Variants in PIBF1 observed in about 807,000 individuals in gnomAD.
PIBF1 encodes progesterone-induced-blocking factor 1.
Under a neutral mutation model 112.5 loss-of-function variants are expected in PIBF1, and 90 were observed. The observed-to-expected ratio is 0.80, with a 90% CI of 0.67 to 0.95. PIBF1 has a LOEUF of 0.95. Among genes scored for constraint, PIBF1 ranks in the 40% least tolerant of loss-of-function variants. The pLI, the probability that PIBF1 is intolerant of heterozygous loss-of-function variation, is 0.00. For synonymous variants in PIBF1, 301 were observed against 288.6 expected (o/e 1.04, Z -0.44); for missense variants, 915 against 852.3 (o/e 1.07, Z -0.92).
At chr13:72,990,834 C>T (rs545037457) in intron 16 of PIBF1, among the ~76,000 whole-genome samples, 1 of 152,120 alleles carries the variant, frequency 6.6e-6, no homozygotes, top group Non-Finnish European at 1.5e-5. Flanking sequence ...AGTGACAGAG[C>T]GAGACTCCAT....
intron 10 of PIBF1, among the ~76,000 whole-genome samples, chr13:72,884,046 G>A (rs897835682): frequency 2.2e-4 from 34 of 152,064 alleles, no homozygotes; most frequent in African/African-American, 7.7e-4. Flanking sequence ...TACCCTGATG[G>A]AATTATTACA....
chr13:72,845,921 T>A (rs9530102), intron 9 of PIBF1, among the ~76,000 whole-genome samples: 21,439 of 152,130 alleles, frequency 0.14, 1,677 homozygotes, highest in Non-Finnish European at 0.17. Flanking sequence ...CAGTAGTCAT[T>A]TTCTCAGTTC....
rs960313262 is a variant in PIBF1 at position 72,998,694 on chromosome 13, T to G, written c.2050-128T>G. The G allele has an allele frequency of 1.2e-4, 77 of 622,592 alleles. 1 individual carries two copies. Among genetic ancestry groups the G allele is most frequent in the South Asian group, 9.8e-4 (44 of 44,696 alleles). 38.6% of individuals were successfully genotyped at this position (622,592 alleles called of 1,614,324 possible). A position where few individuals can be genotyped will look rare whatever the true frequency, so the allele number is the denominator to read the frequency against. On this transcript the variant is annotated intron_variant, in intron 16 of 17. Transcript: ENST00000326291. ...TCATGTGCATGATTCTAATTACTAT[T>G]TTATTTTCACAACTTATGTGTGTAG...
At chr13:72,863,444 G>T (rs1273420664) in intron 10 of PIBF1, among the ~76,000 whole-genome samples, 1 of 151,796 alleles carries the variant, frequency 6.6e-6, no homozygotes. Context: ...GAGGTCAGGA[G>T]ATTGAGACCA....
At chr13:72,813,933 A>C (rs1244183572) in intron 5 of PIBF1, among the ~76,000 whole-genome samples, 1 of 152,188 alleles carries the variant, frequency 6.6e-6, no homozygotes, top group Non-Finnish European at 1.5e-5. Context: ...CAAGAGCAGA[A>C]CAGATTGTCG....
intron 13 of PIBF1, among the ~76,000 whole-genome samples, chr13:72,922,732 T>C (rs1393545525): frequency 2.6e-5 from 4 of 152,378 alleles, no homozygotes; most frequent in African/African-American, 9.6e-5. Context: ...TTTCCTTTCC[T>C]TTATTCTCAT....
At chr13:72,930,378 TGTTAA>T (rs1263026443) in intron 13 of PIBF1, among the ~76,000 whole-genome samples, 1 of 152,092 alleles carries the variant, frequency 6.6e-6, no homozygotes, top group African/African-American at 2.4e-5. Flanking sequence ...AATATGAAAA[TGTTAA>T]GTTACTGGAA....
intron 14 of PIBF1, among the ~76,000 whole-genome samples, chr13:72,954,308 G>C (rs1034546999): frequency 6.6e-6 from 1 of 152,202 alleles, no homozygotes; most frequent in African/African-American, 2.4e-5. Context: ...AGGCTTTCAG[G>C]CCATGCCCCT....
chr13:72,803,287 A>G (rs981140708), intron 5 of PIBF1, among the ~76,000 whole-genome samples: 2 of 149,048 alleles, frequency 1.3e-5, no homozygotes, highest in Non-Finnish European at 3.0e-5. Flanking sequence ...CTTAAGAGAG[A>G]TGACAGCTGT....
chr13:72,895,316 A>T (rs1472914201), intron 11 of PIBF1, among the ~76,000 whole-genome samples: 3 of 149,268 alleles, frequency 2.0e-5, no homozygotes, highest in Non-Finnish European at 4.5e-5. Flanking sequence ...TTTAAACTTA[A>T]ATAATATTTA....
chr13:72,909,502 T>A (rs2138661027), intron 12 of PIBF1, among the ~76,000 whole-genome samples: 1 of 151,932 alleles, frequency 6.6e-6, no homozygotes, highest in East Asian at 1.9e-4. Context: ...TTTTTCTTTT[T>A]TTTTTTTTTG....
chr13:72,879,205 A>C (rs546032717), intron 10 of PIBF1, among the ~76,000 whole-genome samples: 3 of 151,586 alleles, frequency 2.0e-5, no homozygotes, highest in Non-Finnish European at 2.9e-5. Context: ...TTTAATTGGC[A>C]TTATGTTGTT....
At chr13:72,827,999 G>T in intron 8 of PIBF1, 85 bp downstream of exon 8, 1 of 895,194 alleles carries the variant, frequency 1.1e-6, no homozygotes, top group East Asian at 2.9e-5. Context: ...GGAAGATTTA[G>T]TGATTTTTTT....
intron 2 of PIBF1, among the ~76,000 whole-genome samples, chr13:72,789,667 G>A (rs916913500): frequency 4.6e-5 from 7 of 150,568 alleles, no homozygotes; most frequent in African/African-American, 1.7e-4. Flanking sequence ...TTTTTTCCTC[G>A]TGATACAGGT....
intron 2 of PIBF1, among the ~76,000 whole-genome samples, chr13:72,788,094 A>C (rs77966986): frequency 6.6e-6 from 1 of 152,184 alleles, no homozygotes; most frequent in Non-Finnish European, 1.5e-5. Flanking sequence ...TCACTAGACT[A>C]TAGCTCCATG....
Position 72,782,325 on chromosome 13 carries a change from G to A in PIBF1, c.-72G>A, listed in dbSNP as rs947698382. 7.1e-5 allele frequency: 11 copies of A among 155,044 alleles called. No individual in the cohort carries two copies. The highest frequency in any genetic ancestry group is 2.0e-4 in the Admixed American group (3 of 15,340). 9.6% of individuals were successfully genotyped at this position (155,044 alleles called of 1,614,324 possible). On this transcript the variant is annotated 5_prime_UTR_variant, in exon 1 of 18. The change creates a new upstream start codon in the 5' untranslated region. Transcript: ENST00000326291. ...GCACTGGCTGCTGGTCAAGGCTTCA[G>A]TGTGGAGTAATTGACACTTTCGAGG...
intron 17 of PIBF1, among the ~76,000 whole-genome samples, chr13:73,015,479 A>T (rs2044357038): frequency 6.6e-6 from 1 of 152,238 alleles, no homozygotes; most frequent in Non-Finnish European, 1.5e-5. Flanking sequence ...AATAATTTGG[A>T]TACAGTAATT....
intron 15 of PIBF1, among the ~76,000 whole-genome samples, chr13:72,966,684 A>G (rs1024774407): frequency 1.1e-4 from 16 of 152,138 alleles, no homozygotes; most frequent in Admixed American, 3.9e-4. Flanking sequence ...TGAGGCAGGC[A>G]GATCACCTGA....
intron 5 of PIBF1, among the ~76,000 whole-genome samples, chr13:72,807,859 A>T (rs530375658): frequency 7.9e-5 from 12 of 152,248 alleles, no homozygotes; most frequent in Non-Finnish European, 1.6e-4. Flanking sequence ...CTTGAATTTC[A>T]CAATGACACC....
Sources: gnomAD v4.1 joint callset for allele counts (sites outside exome capture counted in the v4.1 genomes callset) on GRCh38, gnomAD v4.1.1 for gene constraint, MANE v1.5 for transcripts, NCBI Gene and HGNC (gene_info 2026-07-23, HGNC 2026-07-21) for gene names.